Variants in AXDND1 observed in about 807,000 individuals in gnomAD.
AXDND1 encodes axonemal dynein light chain domain containing 1.
In AXDND1, 110 loss-of-function variants were observed where a neutral mutation model predicts 137.5. That is an observed-to-expected ratio of 0.80 (90% CI 0.69 to 0.94). The LOEUF (loss-of-function observed/expected upper bound fraction) is 0.94, where lower values mean the gene tolerates loss of function less well. AXDND1 is among the 40% of genes least tolerant of loss of function. The probability of loss-of-function intolerance (pLI) is 0.00; values close to 1 mark genes in which losing one functional copy is unlikely to be tolerated. For missense variants in AXDND1, 1,191 were observed against 1,169.8 expected, an observed-to-expected ratio of 1.02 and a Z score of -0.26; for synonymous variants, 414 against 399.7, an observed-to-expected ratio of 1.04 and a Z score of -0.43.
chr1:179,508,020 A>G lies in AXDND1; in HGVS notation c.2389-1276A>G, dbSNP rs548890512. ...CTTTATCTACAACATATGGATTTAG[A>G]TTTGATTTCTAAAATTTTTGGCTCT... On this transcript the variant is annotated intron_variant, in intron 20 of 25. Coordinates refer to ENST00000367618, the MANE Select transcript of AXDND1 (RefSeq NM_144696.6). 3.9e-5 allele frequency among the ~76,000 whole-genome samples: 6 copies of G among 152,304 alleles called. No individual in the cohort carries two copies. The South Asian group carries it at 6.2e-4, about 16-fold the overall frequency.
chr1:179,459,958 CTTCT>C (rs142428616), intron 16 of AXDND1, among the ~76,000 whole-genome samples: 43,186 of 127,158 alleles, frequency 0.34, 7,569 homozygotes, highest in Admixed American at 0.43. Context: ...TCTTTTCTTC[CTTCT>C]TTCTTTCTTT....
chr1:179,539,467 A>G (rs1671902553), intron 25 of AXDND1, among the ~76,000 whole-genome samples: 1 of 152,220 alleles, frequency 6.6e-6, no homozygotes, highest in Admixed American at 6.5e-5. Flanking sequence ...TTGGCTGGAT[A>G]TGAAATTCTG....
At chr1:179,404,190 C>T (rs1652559377) in intron 11 of AXDND1, among the ~76,000 whole-genome samples, 5 of 149,544 alleles carry the variant, frequency 3.3e-5, no homozygotes, top group Admixed American at 2.0e-4. Flanking sequence ...TTTGATATTT[C>T]TAGGCTGTGT....
chr1:179,512,462 A>G lies in AXDND1; in HGVS notation c.2496+3059A>G, dbSNP rs374050633. Among the ~76,000 whole-genome samples, 24 of 152,178 alleles carry G rather than the reference A, an allele frequency of 1.6e-4. No individual in the cohort carries two copies. In the South Asian group the frequency reaches 5.0e-3, roughly 32 times the overall value. ...CCAGTACCATGCTGTTTTGGTTACT[A>G]TGGCCTTATAGTATAGTTTGAAATC... On this transcript the variant is annotated intron_variant, in intron 21 of 25. Transcript: ENST00000367618.
At chr1:179,515,861 A>C (rs1669486861) in intron 21 of AXDND1, among the ~76,000 whole-genome samples, 2 of 152,242 alleles carry the variant, frequency 1.3e-5, no homozygotes, top group East Asian at 3.8e-4. Context: ...AACAGACTGC[A>C]GATAAGATAG....
intron 11 of AXDND1, among the ~76,000 whole-genome samples, chr1:179,403,330 A>C (rs1189589209): frequency 1.3e-5 from 2 of 152,184 alleles, no homozygotes; most frequent in Non-Finnish European, 2.9e-5. Context: ...ACAACTGCAG[A>C]CCTGAATCTA....
In AXDND1 at chr1:179,551,220, G is replaced by A. The variant is rs1673211675; in HGVS notation, c.3032-3292G>A. 4 of 1,614,132 alleles carry A rather than the reference G, an allele frequency of 2.5e-6. No individual in the cohort carries two copies. The East Asian group carries it at 6.7e-5, about 27-fold the overall frequency. On this transcript the variant is annotated intron_variant, in intron 25 of 25. Transcript: ENST00000367618. ...TTTTTAGGATTTAGTGGCTCAACAG[G>A]TTTGGAAGGACTTGGGAAGGGGAGG... is the stretch of plus-strand genomic sequence containing the variant.
chr1:179,430,820 T>G (rs1379563741), intron 14 of AXDND1, among the ~76,000 whole-genome samples: 2 of 152,214 alleles, frequency 1.3e-5, no homozygotes, highest in Non-Finnish European at 2.9e-5. Context: ...ATCCCCCTGC[T>G]CAACTGCTGC....
intron 11 of AXDND1, among the ~76,000 whole-genome samples, chr1:179,409,980 G>T (rs187421449): frequency 6.6e-5 from 10 of 152,026 alleles, no homozygotes; most frequent in East Asian, 3.9e-4. Flanking sequence ...TTAAATTAGG[G>T]TCATTAATTC....
intron 12 of AXDND1, among the ~76,000 whole-genome samples, chr1:179,420,515 G>C (rs1655516093): frequency 6.6e-6 from 1 of 151,882 alleles, no homozygotes; most frequent in East Asian, 1.9e-4. Flanking sequence ...ATTGATATTA[G>C]TTCTTCTTCA....
At chr1:179,451,611 G>A (rs1366293596) in intron 16 of AXDND1, 1 of 152,164 alleles carries the variant, frequency 6.6e-6, no homozygotes, top group Non-Finnish European at 1.5e-5. Flanking sequence ...TCCACATGTT[G>A]TGGGAGGGAC....
At chr1:179,395,022 A>C in intron 10 of AXDND1, 76 bp from the exon 11 acceptor site, 7 of 1,283,724 alleles carry the variant, frequency 5.5e-6, no homozygotes, top group Non-Finnish European at 7.7e-6. Flanking sequence ...ATTCCTGAAT[A>C]TAAATCTGAT....
rs1673254835 is a variant in AXDND1, at chr1:179,551,397, C to T, written c.3032-3115C>T. ...GCAGCAGGGGTGCCTGACAGAATCT[C>T]AGCTGCCATCCTCAGGGACTCAGAA... is the stretch of plus-strand genomic sequence containing the variant. On this transcript the variant is annotated intron_variant, in intron 25 of 25. Transcript: ENST00000367618. The T allele has an allele frequency of 6.2e-7, 1 of 1,614,050 alleles. No homozygotes were observed. Among genetic ancestry groups the T allele is most frequent in the Non-Finnish European group, 8.5e-7 (1 of 1,179,986 alleles).
At position 179,533,877 on chromosome 1, in the gene AXDND1, T is replaced by C; in HGVS notation, c.2798T>C (p.Leu933Pro). 1 of 1,611,602 alleles carries C rather than the reference T, an allele frequency of 6.2e-7. No homozygotes were observed. Among genetic ancestry groups the C allele is most frequent in the Non-Finnish European group, 8.5e-7 (1 of 1,178,032 alleles). Reference protein sequence around the residue: ...AVIEHMQEKLLEVENRARQAE... With the variant: ...AVIEHMQEKLPEVENRARQAE... Reference sequence around the variant, plus strand: ...ATTGAACATATGCAGGAGAAGTTACTGTAAGTATGAGTCAACACAATGGTA... The same window carrying C: ...ATTGAACATATGCAGGAGAAGTTACCGTAAGTATGAGTCAACACAATGGTA... Residue 933 changes from leucine to proline, a missense_variant and splice_region_variant, in exon 24 of 26, where the codon CTG (leucine) becomes CCG (proline). Coordinates refer to ENST00000367618, the MANE Select transcript of AXDND1 (RefSeq NM_144696.6).
At chr1:179,414,137 T>C (rs1283853442) in intron 12 of AXDND1, among the ~76,000 whole-genome samples, 1 of 151,832 alleles carries the variant, frequency 6.6e-6, no homozygotes, top group Non-Finnish European at 1.5e-5. Context: ...AAAAAATAAA[T>C]TTAAACATTA....
intron 17 of AXDND1, among the ~76,000 whole-genome samples, chr1:179,469,829 G>C (rs535703802): frequency 1.3e-5 from 2 of 152,120 alleles, no homozygotes; most frequent in Non-Finnish European, 2.9e-5. Flanking sequence ...TATTTTCTTT[G>C]AGGGAAATTT....
chr1:179,534,557 A>G (rs1412701739), intron 24 of AXDND1, 173 bp from the exon 25 acceptor site: 4 of 645,328 alleles, frequency 6.2e-6, no homozygotes, highest in Non-Finnish European at 9.6e-6. Context: ...ATTAGCATTC[A>G]GAGTCGCTCC....
chr1:179,515,158 A>G (rs1028670532), intron 21 of AXDND1, among the ~76,000 whole-genome samples: 1 of 151,174 alleles, frequency 6.6e-6, no homozygotes, highest in Non-Finnish European at 1.5e-5. Flanking sequence ...TTAAATTTTC[A>G]TTTTTTTTGT....
chr1:179,383,612 A>G, intron 8 of AXDND1, 68 bp downstream of exon 8: 1 of 1,204,512 alleles, frequency 8.3e-7, no homozygotes. Context: ...TGCCTAGGTT[A>G]GAATTCTGAC....
Sources: gnomAD v4.1 joint callset for allele counts (sites outside exome capture counted in the v4.1 genomes callset) on GRCh38, gnomAD v4.1.1 for gene constraint, MANE v1.5 for transcripts, NCBI Gene and HGNC (gene_info 2026-07-23, HGNC 2026-07-21) for gene names.